SLC9B1: variants seen among roughly 807,000 people sequenced by gnomAD.
SLC9B1 encodes the protein sodium/hydrogen exchanger 9B1.
A neutral mutation model predicts 51.7 loss-of-function variants in SLC9B1; 32 were observed. The ratio of observed to expected loss-of-function variants is 0.62; its 90% CI spans 0.47 to 0.83. The LOEUF (loss-of-function observed/expected upper bound fraction) is 0.83, where lower values mean the gene tolerates loss of function less well. Among genes scored for constraint, SLC9B1 ranks in the 40% least tolerant of loss-of-function variants. The pLI, the probability that SLC9B1 is intolerant of heterozygous loss-of-function variation, is 0.00. For missense variants in SLC9B1, 406 were observed against 613.2 expected, an observed-to-expected ratio of 0.66 and a Z score of 3.57; for synonymous variants, 145 against 212.7, an observed-to-expected ratio of 0.68 and a Z score of 2.77.
rs534253824 is a variant in SLC9B1, at chr4:102,960,713, A to C, written c.212-11286T>G. On this transcript the variant is annotated intron_variant, in intron 3 of 11. Transcript: ENST00000296422. ...TTCTACTAATAAGAAATTTTCATTA[A>C]GCTTTACTTTCTTTCTTTCTTTCTT... Among the ~76,000 whole-genome samples the C allele has an allele frequency of 1.4e-3, 206 of 151,544 alleles. No homozygotes were observed. In the Middle Eastern group the frequency reaches 0.014, roughly 10 times the overall value.
intron 11 of SLC9B1, among the ~76,000 whole-genome samples, chr4:102,893,043 G>A (rs1162874067): frequency 1.3e-5 from 2 of 151,998 alleles, no homozygotes; most frequent in South Asian, 2.1e-4. Flanking sequence ...AGCACTTTGG[G>A]AGGCCAAGGC....
chr4:102,977,315 A>T (rs1257610548), intron 3 of SLC9B1, among the ~76,000 whole-genome samples: 1 of 131,430 alleles, frequency 7.6e-6, no homozygotes, highest in African/African-American at 3.0e-5. Context: ...AAAAAAAAAA[A>T]ACAGAAAAAA....
chr4:102,889,629 A>G (rs1313220328), intron 11 of SLC9B1: 4 of 133,450 alleles, frequency 3.0e-5, no homozygotes, highest in African/African-American at 1.1e-4. Context: ...CTCAGAATAA[A>G]GACTTTTTCC....
intron 3 of SLC9B1, chr4:102,963,213 A>T (rs1359869446): frequency 5.8e-6 from 2 of 343,132 alleles, no homozygotes; most frequent in East Asian, 1.5e-4. Flanking sequence ...TATGGTTTGG[A>T]AGCTTAATGA....
At chr4:102,963,644 T>C (rs1250303652) in intron 3 of SLC9B1, among the ~76,000 whole-genome samples, 1 of 152,134 alleles carries the variant, frequency 6.6e-6, no homozygotes, top group Non-Finnish European at 1.5e-5. Context: ...ACTTTGAAAA[T>C]TGTTAAGAGG....
At chr4:103,013,487 T>C (rs940689432) in intron 1 of SLC9B1, among the ~76,000 whole-genome samples, 1 of 152,218 alleles carries the variant, frequency 6.6e-6, no homozygotes, top group African/African-American at 2.4e-5. Flanking sequence ...CCCTATTCTC[T>C]TCTCACTCTA....
At chr4:102,978,799 C>A (rs939983314) in intron 3 of SLC9B1, among the ~76,000 whole-genome samples, 1 of 152,176 alleles carries the variant, frequency 6.6e-6, no homozygotes, top group East Asian at 1.9e-4. Flanking sequence ...TTTGACCCGG[C>A]AATCCCATTA....
chr4:102,998,990 T>A (rs1425830595), intron 1 of SLC9B1, among the ~76,000 whole-genome samples: 1 of 152,098 alleles, frequency 6.6e-6, no homozygotes, highest in East Asian at 1.9e-4. Flanking sequence ...TCCCAAGTGG[T>A]AGGACTACTG....
chr4:102,963,146 T>C, intron 3 of SLC9B1: 1 of 360,818 alleles, frequency 2.8e-6, no homozygotes, highest in Non-Finnish European at 5.4e-6. Context: ...GGCAGGAGAA[T>C]CAAACCTAAG....
At chr4:103,013,320 T>C (rs1193131190) in intron 1 of SLC9B1, among the ~76,000 whole-genome samples, 1 of 152,234 alleles carries the variant, frequency 6.6e-6, no homozygotes, top group African/African-American at 2.4e-5. Context: ...GCACACTACA[T>C]AAACTGGATG....
intron 1 of SLC9B1, among the ~76,000 whole-genome samples, chr4:102,997,826 T>C (rs1740305698): frequency 6.6e-6 from 1 of 152,188 alleles, no homozygotes; most frequent in Non-Finnish European, 1.5e-5. Flanking sequence ...GTGATTCTTA[T>C]TAGATATAGG....
intron 11 of SLC9B1, among the ~76,000 whole-genome samples, chr4:102,895,223 A>G (rs559198963): frequency 6.6e-6 from 1 of 152,292 alleles, no homozygotes; most frequent in South Asian, 2.1e-4. Context: ...TAGATGAAAA[A>G]TTAATATATG....
chr4:102,901,430 A>G lies in SLC9B1; in HGVS notation c.1333-98T>C, dbSNP rs145396226. 4,895 of 1,359,540 alleles carry G rather than the reference A, an allele frequency of 3.6e-3. 40 individuals are homozygous for G. The African/African-American group carries it at 0.052, about 14-fold the overall frequency. The allele number at this position is 1,359,540 out of a possible 1,614,324, so 84.2% of individuals were successfully genotyped here. The stretch of plus-strand genomic sequence containing the variant: ...GTTAAAATAAACAAAATCTAGTACT[A>G]GACTATTAGAAAAAAAAAGTACTCA... On this transcript the variant is annotated intron_variant, in intron 11 of 11. Transcript: ENST00000296422.
chr4:102,909,997 T>C (rs1168418557), intron 9 of SLC9B1, among the ~76,000 whole-genome samples: 1 of 152,008 alleles, frequency 6.6e-6, no homozygotes, highest in African/African-American at 2.4e-5. Flanking sequence ...GTATTTTTAG[T>C]AGAGATGGGG....
At chr4:103,010,927 T>G (rs896480103) in intron 1 of SLC9B1, among the ~76,000 whole-genome samples, 7 of 152,172 alleles carry the variant, frequency 4.6e-5, no homozygotes, top group African/African-American at 1.7e-4. Flanking sequence ...CAAATTCATG[T>G]CTTTCTCACA....
At chr4:103,004,755 GC>G (rs2110533605) in intron 1 of SLC9B1, among the ~76,000 whole-genome samples, 1 of 152,250 alleles carries the variant, frequency 6.6e-6, no homozygotes, top group Non-Finnish European at 1.5e-5. Flanking sequence ...AACTCTACAA[GC>G]CAGAAAAGAT....
At chr4:102,906,362 A>G (rs1376513147) in intron 10 of SLC9B1, 174 bp downstream of exon 10, 1 of 396,436 alleles carries the variant, frequency 2.5e-6, no homozygotes, top group Non-Finnish European at 4.4e-6. Flanking sequence ...TTTATAAAAA[A>G]AAAAGAGCAC....
intron 9 of SLC9B1, among the ~76,000 whole-genome samples, chr4:102,908,572 A>G (rs1487626160): frequency 3.9e-5 from 6 of 152,236 alleles, no homozygotes; most frequent in Middle Eastern, 3.2e-3. Context: ...AAAAGACTAA[A>G]TGAAAAAAAC....
chr4:102,886,215 G>C (rs779357600), intron 11 of SLC9B1, among the ~76,000 whole-genome samples: 1 of 152,138 alleles, frequency 6.6e-6, no homozygotes, highest in African/African-American at 2.4e-5. Flanking sequence ...CAGGCCAGGC[G>C]CGGTGGCTCA....
Sources: gnomAD v4.1 joint callset for allele counts (sites outside exome capture counted in the v4.1 genomes callset) on GRCh38, gnomAD v4.1.1 for gene constraint, MANE v1.5 for transcripts, NCBI Gene and HGNC (gene_info 2026-07-23, HGNC 2026-07-21) for gene names.